Variants in TTC7A observed in about 807,000 individuals in gnomAD.
TTC7A encodes tetratricopeptide repeat domain 7A.
TTC7A carries 110 observed loss-of-function variants against 103.7 expected under a neutral mutation model. The observed-to-expected ratio is 1.06, with a 90% CI of 0.91 to 1.24. The LOEUF is 1.24. TTC7A is among the 50% of genes most tolerant of loss of function. The probability of loss-of-function intolerance (pLI) is 0.00; values close to 1 mark genes in which losing one functional copy is unlikely to be tolerated. For synonymous variants in TTC7A, 521 were observed against 467.9 expected, an observed-to-expected ratio of 1.11 and a Z score of -1.47; for missense variants, 1,340 against 1,116.3, an observed-to-expected ratio of 1.20 and a Z score of -2.86.
intron 5 of TTC7A, among the ~76,000 whole-genome samples, chr2:46,989,408 G>A (rs150788536): frequency 6.6e-6 from 1 of 152,226 alleles, no homozygotes; most frequent in Non-Finnish European, 1.5e-5. Flanking sequence ...GCAATGGCTC[G>A]GAAAAGCCCC....
intron 8 of TTC7A, among the ~76,000 whole-genome samples, chr2:46,998,512 G>A (rs920291920): frequency 1.3e-5 from 2 of 152,148 alleles, no homozygotes; most frequent in African/African-American, 2.4e-5. Flanking sequence ...GTACCTGCAG[G>A]GTTTTCCTCA....
At chr2:47,032,803 A>G (rs570744819) in intron 15 of TTC7A, among the ~76,000 whole-genome samples, 1 of 151,254 alleles carries the variant, frequency 6.6e-6, no homozygotes, top group African/African-American at 2.4e-5. Flanking sequence ...GGGAAAAAAA[A>G]TACAGGGACT....
rs1488687158 is a variant in TTC7A at position 47,071,864 on chromosome 2, G to A, written c.2356-1838G>A. 2.6e-5 allele frequency among the ~76,000 whole-genome samples: 4 copies of A among 152,342 alleles called. No individual in the cohort carries two copies. The East Asian group carries it at 7.7e-4, about 29-fold the overall frequency. On this transcript the variant is annotated intron_variant, in intron 19 of 19. Transcript: ENST00000319190. ...GCCCATTTTTCAAACAGAATCCCATGTGGAAGCTCAATATAGAAAACTTAA... is the reference window on the plus strand; with the variant it reads ...GCCCATTTTTCAAACAGAATCCCATATGGAAGCTCAATATAGAAAACTTAA...
At chr2:46,946,608 G>A (rs1670963132) in intron 1 of TTC7A, among the ~76,000 whole-genome samples, 4 of 151,952 alleles carry the variant, frequency 2.6e-5, no homozygotes, top group Non-Finnish European at 4.4e-5. Context: ...TGTGTGTAGC[G>A]ACAGAGTCTC....
At chr2:46,933,885 A>AGG (rs1042449592) in intron 2 of TTC7A, among the ~76,000 whole-genome samples, 13 of 152,204 alleles carry the variant, frequency 8.5e-5, no homozygotes, top group African/African-American at 3.1e-4. Context: ...CTGGGAACAC[A>AGG]GGGCTCTAAG....
intron 11 of TTC7A, among the ~76,000 whole-genome samples, chr2:47,016,173 C>T (rs2163982): frequency 0.48 from 72,618 of 152,066 alleles, 17,816 homozygotes; most frequent in East Asian, 0.76. Flanking sequence ...ACTGGAGAGA[C>T]AGAGGAACTT....
At chr2:47,025,025 C>T (rs1679735318) in intron 14 of TTC7A, among the ~76,000 whole-genome samples, 1 of 152,334 alleles carries the variant, frequency 6.6e-6, no homozygotes, top group East Asian at 1.9e-4. Flanking sequence ...AAAACAGGAC[C>T]TCTCAGGTGG....
At chr2:47,070,989 A>C (rs986925512) in intron 19 of TTC7A, 1 of 152,028 alleles carries the variant, frequency 6.6e-6, no homozygotes, top group Non-Finnish European at 1.5e-5. Context: ...GGGATGGGGG[A>C]TTCACTTGGG....
chr2:46,940,643 T>G (rs991246820), upstream of TTC7A, among the ~76,000 whole-genome samples: 9 of 152,218 alleles, frequency 5.9e-5, no homozygotes, highest in Admixed American at 3.9e-4. This position sits in a 1 kb window ranked among gnomAD's most constrained non-coding sequence, Gnocchi z 4.7. Flanking sequence ...AGAGGACAGG[T>G]CAACGGGTTA....
Position 47,054,241 on chromosome 2 carries a change from T to C in TTC7A, c.2152+2361T>C, listed in dbSNP as rs573301700. 42 of 866,188 alleles carry C rather than the reference T, an allele frequency of 4.8e-5. No individual in the cohort carries two copies. The Middle Eastern group carries it at 1.8e-3, about 36-fold the overall frequency. 53.7% of individuals were successfully genotyped at this position (866,188 alleles called of 1,614,324 possible). A position where few individuals can be genotyped will look rare whatever the true frequency, so the allele number is the denominator to read the frequency against. ...GTGTCTTGCACAAGGTGGGTGCTTA[T>C]TTCTTTCTCATGTAACAGTTTACAG... On this transcript the variant is annotated intron_variant, in intron 18 of 19. Coordinates refer to ENST00000319190, the MANE Select transcript of TTC7A (RefSeq NM_020458.4).
chr2:46,947,922 A>G (rs1048247952), intron 1 of TTC7A, among the ~76,000 whole-genome samples: 2 of 152,196 alleles, frequency 1.3e-5, no homozygotes. Flanking sequence ...ACAAGCATGG[A>G]GAGACCCGCA....
At chr2:46,971,885 A>C (rs1478493179) in intron 3 of TTC7A, among the ~76,000 whole-genome samples, 1 of 150,720 alleles carries the variant, frequency 6.6e-6, no homozygotes, top group African/African-American at 2.4e-5. Context: ...TCAGAAGGAC[A>C]GCACTCTCTA....
At chr2:46,918,580 G>A (rs1668940036) in intron 2 of TTC7A, among the ~76,000 whole-genome samples, 1 of 152,174 alleles carries the variant, frequency 6.6e-6, no homozygotes, top group Admixed American at 6.5e-5. Context: ...CTAAAAACAA[G>A]ACACTAAAAT....
chr2:46,987,337 C>G (rs887651852), intron 5 of TTC7A, among the ~76,000 whole-genome samples: 4 of 152,144 alleles, frequency 2.6e-5, no homozygotes, highest in African/African-American at 9.7e-5. Context: ...CAGAAATGAG[C>G]TTGGTTCTCT....
intron 2 of TTC7A, among the ~76,000 whole-genome samples, chr2:46,920,095 G>A (rs1323482702): frequency 6.6e-6 from 1 of 152,102 alleles, no homozygotes; most frequent in Admixed American, 6.5e-5. Flanking sequence ...TTCCGTCCCT[G>A]ACTTTATCAA....
intron 19 of TTC7A, among the ~76,000 whole-genome samples, chr2:47,068,869 A>C (rs1378718021): frequency 2.5e-5 from 1 of 39,720 alleles, no homozygotes; most frequent in African/African-American, 1.7e-4. Context: ...TTTCAAAAAA[A>C]AAAAAAAAAA....
chr2:47,046,414 C>CA lies in TTC7A; in HGVS notation c.1903dup (p.Ser635LysfsTer16). On this transcript the variant is annotated frameshift_variant, in exon 16 of 20. Coordinates refer to ENST00000319190, the MANE Select transcript of TTC7A (RefSeq NM_020458.4). LOFTEE classifies it high-confidence loss of function. ...TGCTGAGGCTGTGGCAGACCCTGTACAGCTTCTCCCAGCTGGGGTGAGTGG... is the reference window on the plus strand; with the variant it reads ...TGCTGAGGCTGTGGCAGACCCTGTACAAGCTTCTCCCAGCTGGGGTGAGTGG... 6.2e-7 allele frequency: 1 copy of CA among 1,614,066 alleles called. No individual in the cohort carries two copies. Among genetic ancestry groups the CA allele is most frequent in the Non-Finnish European group, 8.5e-7 (1 of 1,179,924 alleles).
intron 1 of TTC7A, among the ~76,000 whole-genome samples, chr2:46,945,309 G>A (rs1670835929): frequency 6.6e-6 from 1 of 151,988 alleles, no homozygotes; most frequent in Non-Finnish European, 1.5e-5. Flanking sequence ...CTGGAGTGCA[G>A]TGGTGCGATC....
chr2:46,974,861 G>A, intron 3 of TTC7A, 112 bp from the exon 4 acceptor site: 1 of 1,459,940 alleles, frequency 6.8e-7, no homozygotes. Flanking sequence ...CCTCCTCCTG[G>A]CTGCACCAGA....
Sources: allele counts gnomAD v4.1 joint callset (sites outside exome capture counted in the v4.1 genomes callset), GRCh38; gene constraint gnomAD v4.1.1; non-coding constraint Gnocchi (gnomAD v3.1); transcripts MANE v1.5; gene names NCBI Gene and HGNC (gene_info 2026-07-23, HGNC 2026-07-21).